RBM33: variants seen among roughly 807,000 people sequenced by gnomAD.
RBM33 encodes the protein RNA binding motif protein 33, also known as RNA-binding protein 33.
RBM33 carries 28 observed loss-of-function variants against 132.6 expected under a neutral mutation model. The ratio of observed to expected loss-of-function variants is 0.21; its 90% CI spans 0.16 to 0.29. The LOEUF (loss-of-function observed/expected upper bound fraction) is 0.29. RBM33 is among the 10% of genes least tolerant of loss of function. The pLI, the probability that RBM33 is intolerant of heterozygous loss-of-function variation, is 1.00. For missense variants in RBM33, 1,291 were observed against 1,518.5 expected (o/e 0.85, Z 2.49); for synonymous variants, 634 against 593.0 (o/e 1.07, Z -1.01).
At chr7:155,770,451 C>A (rs562725409) in intron 16 of RBM33, among the ~76,000 whole-genome samples, 2 of 152,334 alleles carry the variant, frequency 1.3e-5, no homozygotes, top group African/African-American at 4.8e-5. Context: ...GGGCTCTCGG[C>A]CCTTCCTGCC....
rs1346551124 is a variant in RBM33, at chr7:155,780,823, C to CA, written c.*5783dup. Reference sequence around the variant, plus strand: ...ACCTTTGCTTCGACAGGTCTTCACTCACGATTTATTCCTCCAGGTCTTTGA... The same window carrying CA: ...ACCTTTGCTTCGACAGGTCTTCACTCAACGATTTATTCCTCCAGGTCTTTGA... On this transcript the variant is annotated 3_prime_UTR_variant, in exon 18 of 18. Coordinates refer to ENST00000401878, the MANE Select transcript of RBM33 (RefSeq NM_053043.3). 2 of 152,532 alleles carry CA rather than the reference C, an allele frequency of 1.3e-5. No individual in the cohort carries two copies. The highest frequency in any genetic ancestry group is 3.9e-4 in the East Asian group (2 of 5,188). 9.4% of individuals were successfully genotyped at this position (152,532 alleles called of 1,614,324 possible).
chr7:155,753,578 A>G (rs1433883653), intron 14 of RBM33, among the ~76,000 whole-genome samples: 1 of 152,240 alleles, frequency 6.6e-6, no homozygotes, highest in African/African-American at 2.4e-5. Context: ...GAGGGGCCAG[A>G]TAGAAGCGAC....
rs1802134579 is a variant in RBM33 at position 155,764,072 on chromosome 7, CA to C, written c.3186+55del. 6 of 1,382,700 alleles carry C rather than the reference CA, an allele frequency of 4.3e-6. No homozygotes were observed. In the Admixed American group the frequency reaches 7.6e-5, roughly 17 times the overall value. The allele number at this position is 1,382,700 out of a possible 1,614,324, so 85.7% of individuals were successfully genotyped here. On this transcript the variant is annotated intron_variant, in intron 15 of 17. Transcript: ENST00000401878. The stretch of plus-strand genomic sequence containing the variant: ...TGGAAACGCGAAGGCCGGTGTGAGG[CA>C]GTGTTCAGACGTGCTCTAATTTGTA...
chr7:155,710,479 CTGTT>C (rs768315528), intron 7 of RBM33, among the ~76,000 whole-genome samples: 1 of 152,226 alleles, frequency 6.6e-6, no homozygotes, highest in Non-Finnish European at 1.5e-5. Flanking sequence ...TCTCTAGTGA[CTGTT>C]TGATAAAATA....
chr7:155,742,241 TTAACC>T, intron 13 of RBM33, 135 bp downstream of exon 13: 1 of 769,868 alleles, frequency 1.3e-6, no homozygotes, highest in Non-Finnish European at 2.0e-6. Flanking sequence ...TTTTTTTTTT[TTAACC>T]TAACAGCCAT....
chr7:155,676,569 C>T (rs1355682510), intron 3 of RBM33, among the ~76,000 whole-genome samples: 1 of 152,118 alleles, frequency 6.6e-6, no homozygotes, highest in Non-Finnish European at 1.5e-5. Context: ...GTTTCTCTCC[C>T]CATGGGAGAA....
At chr7:155,670,177 C>T (rs961660408) in intron 2 of RBM33, among the ~76,000 whole-genome samples, 2 of 152,182 alleles carry the variant, frequency 1.3e-5, no homozygotes, top group African/African-American at 2.4e-5. Context: ...TGTCTGTAAG[C>T]TTTAATAAGA....
chr7:155,646,633 T>C (rs1798203714), intron 1 of RBM33, among the ~76,000 whole-genome samples: 1 of 152,212 alleles, frequency 6.6e-6, no homozygotes, highest in Admixed American at 6.5e-5. Flanking sequence ...ATCTCACGCT[T>C]TTAAGGGAGG....
chr7:155,709,099 C>G (rs1328522540), intron 7 of RBM33, among the ~76,000 whole-genome samples: 3 of 151,950 alleles, frequency 2.0e-5, no homozygotes, highest in African/African-American at 4.8e-5. Flanking sequence ...TGGATGTACT[C>G]TCTTATCTTC....
intron 12 of RBM33, among the ~76,000 whole-genome samples, 163 bp from the exon 13 acceptor site, chr7:155,741,656 T>G (rs924260417): frequency 1.4e-4 from 21 of 152,190 alleles, no homozygotes; most frequent in Non-Finnish European, 2.9e-4. Context: ...CAGGTGACAT[T>G]TATGTATGAG....
At chr7:155,664,537 G>T (rs1292746525) in intron 1 of RBM33, among the ~76,000 whole-genome samples, 1 of 151,954 alleles carries the variant, frequency 6.6e-6, no homozygotes, top group Non-Finnish European at 1.5e-5. Flanking sequence ...CTCCCAAAGT[G>T]CTGGGATTAC....
chr7:155,681,883 A>G (rs1799346952), intron 5 of RBM33, among the ~76,000 whole-genome samples: 1 of 151,940 alleles, frequency 6.6e-6, no homozygotes, highest in Non-Finnish European at 1.5e-5. Context: ...GAACCTTTGA[A>G]TATTTAGTTC....
chr7:155,768,272 C>CTA (rs1481696350), intron 16 of RBM33, among the ~76,000 whole-genome samples: 15 of 152,206 alleles, frequency 9.9e-5, no homozygotes, highest in African/African-American at 3.1e-4. Flanking sequence ...GGCTCAGAGC[C>CTA]TACATTGTGA....
At chr7:155,669,848 G>A (rs1167167788) in intron 2 of RBM33, among the ~76,000 whole-genome samples, 1 of 152,136 alleles carries the variant, frequency 6.6e-6, no homozygotes, top group African/African-American at 2.4e-5. Context: ...GGGAGGGGCC[G>A]GTCTTTCTCC....
chr7:155,658,618 C>G (rs1418734007), intron 1 of RBM33, among the ~76,000 whole-genome samples: 1 of 152,104 alleles, frequency 6.6e-6, no homozygotes, highest in African/African-American at 2.4e-5. Context: ...TCAGGTTGGT[C>G]TCAAACTCCT....
At chr7:155,662,947 G>T (rs1798695446) in intron 1 of RBM33, among the ~76,000 whole-genome samples, 2 of 152,108 alleles carry the variant, frequency 1.3e-5, no homozygotes, top group East Asian at 1.9e-4. Flanking sequence ...AAGAGGGGTG[G>T]GTCCTGGTTT....
chr7:155,701,755 T>G (rs1462118476), intron 6 of RBM33, among the ~76,000 whole-genome samples: 1 of 152,182 alleles, frequency 6.6e-6, no homozygotes, highest in Admixed American at 6.5e-5. Context: ...TGGCACAATC[T>G]TGGCTCACAG....
In RBM33 at chr7:155,777,614, A is replaced by G. The variant is rs1802665176; in HGVS notation, c.*2573A>G. 1 of 152,668 alleles carries G rather than the reference A, an allele frequency of 6.6e-6. No individual in the cohort carries two copies. Among genetic ancestry groups the G allele is most frequent in the South Asian group, 2.1e-4 (1 of 4,836 alleles). 9.5% of individuals were successfully genotyped at this position (152,668 alleles called of 1,614,324 possible). A position where few individuals can be genotyped will look rare whatever the true frequency, so the allele number is the denominator to read the frequency against. On this transcript the variant is annotated 3_prime_UTR_variant, in exon 18 of 18. Transcript: ENST00000401878. ...AACCATTATCTTTGTTCTTGAGTTC[A>G]TCATGCATTTAAAATGAGATGCAAG...
At chr7:155,702,455 G>C (rs1359524105) in intron 6 of RBM33, among the ~76,000 whole-genome samples, 1 of 152,330 alleles carries the variant, frequency 6.6e-6, no homozygotes, top group East Asian at 1.9e-4. Flanking sequence ...CAGTTGAGCT[G>C]AAGCAGATTT....
Sources: allele counts gnomAD v4.1 joint callset (sites outside exome capture counted in the v4.1 genomes callset), GRCh38; gene constraint gnomAD v4.1.1; transcripts MANE v1.5; gene names NCBI Gene and HGNC (gene_info 2026-07-23, HGNC 2026-07-21).